Variants in KIF6 observed in about 807,000 individuals in gnomAD.
The protein encoded by KIF6 is kinesin-like protein KIF6.
A neutral mutation model predicts 112.7 loss-of-function variants in KIF6; 106 were observed. The observed-to-expected ratio is 0.94, with a 90% CI of 0.80 to 1.11. The LOEUF (loss-of-function observed/expected upper bound fraction) is 1.11. Among genes scored for constraint, KIF6 ranks in the 50% least tolerant of loss-of-function variants. The probability of loss-of-function intolerance (pLI) is 0.00; values close to 1 mark genes in which losing one functional copy is unlikely to be tolerated. For missense variants in KIF6, 929 were observed against 964.0 expected (o/e 0.96, Z 0.48); for synonymous variants, 339 against 339.9 (o/e 1.00, Z 0.03).
chr6:39,436,730 T>C (rs1193180623), intron 13 of KIF6, among the ~76,000 whole-genome samples: 1 of 152,230 alleles, frequency 6.6e-6, no homozygotes, highest in Non-Finnish European at 1.5e-5. Context: ...TCTGTGTGTC[T>C]ACTTTTACAT....
At chr6:39,391,001 C>A (rs927463685) in intron 15 of KIF6, among the ~76,000 whole-genome samples, 5 of 152,212 alleles carry the variant, frequency 3.3e-5, no homozygotes, top group Non-Finnish European at 7.3e-5. Flanking sequence ...ACCTTAAAAT[C>A]AGACATATTC....
intron 6 of KIF6, among the ~76,000 whole-genome samples, chr6:39,603,146 G>A (rs144121166): frequency 3.2e-4 from 49 of 152,254 alleles, no homozygotes; most frequent in African/African-American, 8.9e-4. Flanking sequence ...AGTGTTTGGC[G>A]TCCTGCTCAT....
intron 13 of KIF6, among the ~76,000 whole-genome samples, chr6:39,492,713 A>G (rs1445855787): frequency 2.6e-5 from 4 of 152,150 alleles, no homozygotes; most frequent in African/African-American, 9.7e-5. Flanking sequence ...TATCCATTGT[A>G]TGTTATACAT....
At chr6:39,639,362 C>T (rs148175396) in intron 4 of KIF6, among the ~76,000 whole-genome samples, 3 of 152,012 alleles carry the variant, frequency 2.0e-5, no homozygotes, top group African/African-American at 4.8e-5. Flanking sequence ...AACCTTCGTG[C>T]GTATATCAGA....
At chr6:39,652,144 G>A (rs903990184) in intron 3 of KIF6, among the ~76,000 whole-genome samples, 2 of 152,156 alleles carry the variant, frequency 1.3e-5, no homozygotes, top group Non-Finnish European at 2.9e-5. Flanking sequence ...AAAATTCCGT[G>A]AGACACATAT....
At chr6:39,587,207 CA>C (rs1319033775) in intron 7 of KIF6, among the ~76,000 whole-genome samples, 5 of 152,102 alleles carry the variant, frequency 3.3e-5, no homozygotes, top group Non-Finnish European at 5.9e-5. Context: ...CCCGGGCAGA[CA>C]AATCCAGTGC....
intron 16 of KIF6, among the ~76,000 whole-genome samples, chr6:39,365,250 C>T (rs557351875): frequency 2.6e-4 from 40 of 152,324 alleles, no homozygotes; most frequent in African/African-American, 8.9e-4. Context: ...TTTAAATCGA[C>T]AGGCAGAGCA....
At chr6:39,541,794 G>A (rs930037368) in intron 12 of KIF6, among the ~76,000 whole-genome samples, 1 of 152,160 alleles carries the variant, frequency 6.6e-6, no homozygotes, top group Non-Finnish European at 1.5e-5. Flanking sequence ...TGAGATCTGA[G>A]CCATAAGAAG....
chr6:39,420,036 T>G, intron 14 of KIF6, 33 bp from the exon 15 acceptor site: 1 of 1,460,796 alleles, frequency 6.8e-7, no homozygotes, highest in African/African-American at 1.4e-5. Context: ...TTGTAGTTTT[T>G]CTGTTCATCC....
chr6:39,675,969 A>T (rs984161089), intron 3 of KIF6, among the ~76,000 whole-genome samples: 1 of 151,856 alleles, frequency 6.6e-6, no homozygotes, highest in Non-Finnish European at 1.5e-5. Context: ...TATTTTTCAA[A>T]GTCTAAGGGA....
chr6:39,665,254 CA>C (rs1786400523), intron 3 of KIF6, among the ~76,000 whole-genome samples: 1 of 152,166 alleles, frequency 6.6e-6, no homozygotes, highest in African/African-American at 2.4e-5. Context: ...TTATCTTTCA[CA>C]AATGCAGACG....
At chr6:39,411,496 G>A (rs1769472667) in intron 15 of KIF6, among the ~76,000 whole-genome samples, 1 of 152,176 alleles carries the variant, frequency 6.6e-6, no homozygotes, top group Non-Finnish European at 1.5e-5. Context: ...AGTGACTTGC[G>A]GTTCATCCTG....
At chr6:39,445,511 T>C (rs768885211) in intron 13 of KIF6, among the ~76,000 whole-genome samples, 1 of 152,156 alleles carries the variant, frequency 6.6e-6, no homozygotes, top group African/African-American at 2.4e-5. Flanking sequence ...TAGTTGGAGA[T>C]AAGTAAAAGA....
intron 6 of KIF6, among the ~76,000 whole-genome samples, chr6:39,604,675 T>C (rs2150703508): frequency 6.6e-6 from 1 of 152,276 alleles, no homozygotes; most frequent in South Asian, 2.1e-4. Context: ...CACACCAATT[T>C]TATTTAAAAT....
At chr6:39,672,264 G>A (rs904513683) in intron 3 of KIF6, among the ~76,000 whole-genome samples, 5 of 152,126 alleles carry the variant, frequency 3.3e-5, no homozygotes, top group Admixed American at 2.0e-4. Context: ...TTACAGGCAT[G>A]AGCCACCACG....
At chr6:39,701,644 C>T (rs764196393) in intron 3 of KIF6, among the ~76,000 whole-genome samples, 4 of 152,190 alleles carry the variant, frequency 2.6e-5, no homozygotes, top group Admixed American at 1.3e-4. Flanking sequence ...ATGGACTGCA[C>T]GAGGCCCAGG....
intron 6 of KIF6, among the ~76,000 whole-genome samples, chr6:39,600,986 G>A (rs542260564): frequency 1.4e-4 from 22 of 152,248 alleles, no homozygotes; most frequent in African/African-American, 5.3e-4. Flanking sequence ...GAATTACTGA[G>A]TGCTGAAGTG....
intron 3 of KIF6, among the ~76,000 whole-genome samples, chr6:39,685,162 T>C (rs1787782673): frequency 6.6e-6 from 1 of 152,200 alleles, no homozygotes; most frequent in South Asian, 2.1e-4. Flanking sequence ...GATACTACAA[T>C]GAACTGATGA....
At chr6:39,410,913 T>C (rs757355961) in intron 15 of KIF6, among the ~76,000 whole-genome samples, 4 of 152,210 alleles carry the variant, frequency 2.6e-5, no homozygotes, top group Non-Finnish European at 4.4e-5. Context: ...CTTTCTGACA[T>C]ACAAGACCTC....
Sources: allele counts gnomAD v4.1 joint callset (sites outside exome capture counted in the v4.1 genomes callset), GRCh38; gene constraint gnomAD v4.1.1; transcripts MANE v1.5; gene names NCBI Gene and HGNC (gene_info 2026-07-23, HGNC 2026-07-21).